TTLL6: variants seen among roughly 807,000 people sequenced by gnomAD.
TTLL6 encodes tubulin tyrosine ligase like 6, also known as tubulin polyglutamylase TTLL6.
Under a neutral mutation model 96.4 loss-of-function variants are expected in TTLL6, and 75 were observed. That is an observed-to-expected ratio of 0.78 (90% CI 0.65 to 0.94). The LOEUF is 0.94. Among genes scored for constraint, TTLL6 ranks in the 40% least tolerant of loss-of-function variants. The pLI, the probability that TTLL6 is intolerant of heterozygous loss-of-function variation, is 0.00. For missense variants in TTLL6, 1,030 were observed against 1,093.0 expected (o/e 0.94, Z 0.81); for synonymous variants, 411 against 419.4 (o/e 0.98, Z 0.24).
At chr17:48,777,361 G>A (rs1336400057) in intron 13 of TTLL6, among the ~76,000 whole-genome samples, 1 of 152,146 alleles carries the variant, frequency 6.6e-6, no homozygotes, top group Non-Finnish European at 1.5e-5. Flanking sequence ...TTGGGAGGCC[G>A]AGGCAGGAGG....
intron 10 of TTLL6, among the ~76,000 whole-genome samples, chr17:48,788,399 G>T (rs2039150449): frequency 6.6e-6 from 1 of 152,208 alleles, no homozygotes; most frequent in African/African-American, 2.4e-5. Context: ...TGACCTTGAT[G>T]ACCGTTTACG....
intron 11 of TTLL6, among the ~76,000 whole-genome samples, chr17:48,786,683 G>A (rs931419455): frequency 2.6e-5 from 4 of 152,162 alleles, no homozygotes; most frequent in Admixed American, 1.3e-4. Flanking sequence ...GGAGGCTAAC[G>A]CCAGAGGCTC....
chr17:48,801,518 C>G lies in TTLL6; in HGVS notation c.480+7G>C. On this transcript the variant is annotated splice_region_variant and intron_variant, in intron 4 of 15. Coordinates refer to ENST00000393382, the MANE Select transcript of TTLL6 (RefSeq NM_001130918.3). The stretch of plus-strand genomic sequence containing the variant: ...CTTAAACCAAGGACCATCACTAGCC[C>G]AAATACCTGGTAACTTTTCATTTCC... 1 of 1,551,848 alleles carries G rather than the reference C, an allele frequency of 6.4e-7. No homozygotes were observed. The highest frequency in any genetic ancestry group is 8.7e-7 in the Non-Finnish European group (1 of 1,146,960).
intron 10 of TTLL6, among the ~76,000 whole-genome samples, chr17:48,789,117 A>C (rs1597981560): frequency 4.5e-5 from 1 of 21,986 alleles, no homozygotes; most frequent in Non-Finnish European, 1.6e-4. Context: ...TCTTTATAGT[A>C]AAAAAAAAAA....
chr17:48,800,843 T>G (rs1026922871), intron 5 of TTLL6, among the ~76,000 whole-genome samples: 4 of 152,128 alleles, frequency 2.6e-5, no homozygotes, highest in African/African-American at 7.2e-5. Context: ...CTGCTATCCA[T>G]AGCATTGCAT....
intron 8 of TTLL6, among the ~76,000 whole-genome samples, chr17:48,794,753 G>C (rs2039288369): frequency 6.6e-6 from 1 of 152,216 alleles, no homozygotes; most frequent in African/African-American, 2.4e-5. Flanking sequence ...CACTGAGGGG[G>C]TCATGAACTG....
At chr17:48,814,967 G>A (rs944047365) in intron 1 of TTLL6, among the ~76,000 whole-genome samples, 26 of 151,980 alleles carry the variant, frequency 1.7e-4, no homozygotes, top group African/African-American at 5.6e-4. Flanking sequence ...TAGTAGAGAT[G>A]GGGTTTCTCC....
Position 48,769,077 on chromosome 17 carries a change from G to C in TTLL6, c.2588C>G (p.Ala863Gly). 6.2e-7 allele frequency: 1 copy of C among 1,614,170 alleles called. No individual in the cohort carries two copies. The highest frequency in any genetic ancestry group is 8.5e-7 in the Non-Finnish European group (1 of 1,180,026). The change falls in exon 15 of 16, where the codon GCA becomes GGA. Residue 863 changes from alanine (A) to glycine (G), a missense_variant. Coordinates refer to ENST00000393382, the MANE Select transcript of TTLL6 (RefSeq NM_001130918.3). ...CATACATGGGTCCCTCATAGCACTT[G>C]CGTGGCTTCTACAAGGCCTTGGATC... ...QLDPRPCRSHASAMRDPCMQD... is the reference protein window; with the variant it reads ...QLDPRPCRSHGSAMRDPCMQD...
chr17:48,796,128 G>T lies in TTLL6; in HGVS notation c.931C>A (p.Leu311Met). The change falls in exon 8 of 16, where the codon CTG becomes ATG. Residue 311 changes from leucine (L) to methionine (M), a missense_variant. Leu to Met is a conservative substitution (Grantham distance 15). Transcript: ENST00000393382. ...TGCTTATTAATGGAATAATTAGTCA[G>T]GTGCATGCAGATATCATCCTGGGGA... ...TDNLDDICMH[L>M]TNYSINKHSS... 6.4e-7 allele frequency: 1 copy of T among 1,551,410 alleles called. No homozygotes were observed. Among genetic ancestry groups the T allele is most frequent in the Non-Finnish European group, 8.7e-7 (1 of 1,146,808 alleles).
chr17:48,777,210 C>T (rs1021638271), intron 13 of TTLL6, among the ~76,000 whole-genome samples: 5 of 152,116 alleles, frequency 3.3e-5, no homozygotes, highest in Non-Finnish European at 7.4e-5. Flanking sequence ...AAAAACAAAC[C>T]TTGGATCTTG....
In TTLL6 at chr17:48,786,241, C is replaced by T. The variant is rs1360232377; in HGVS notation, c.1684G>A (p.Val562Met). ...EMQGESAGEQVRKKGMRGWQQ... is the reference protein window; with the variant it reads ...EMQGESAGEQMRKKGMRGWQQ... ...CAGCCCCTCATGCCCTTCTTTCTCACTTGCTCGCCTGCCGATTCCCCCTGC... is the reference window on the plus strand; with the variant it reads ...CAGCCCCTCATGCCCTTCTTTCTCATTTGCTCGCCTGCCGATTCCCCCTGC... Residue 562 changes from valine to methionine, a missense_variant, in exon 12 of 16, where the codon GTG becomes ATG. Transcript: ENST00000393382. The T allele has an allele frequency of 6.2e-7, 1 of 1,614,250 alleles. No homozygotes were observed. Among genetic ancestry groups the T allele is most frequent in the Admixed American group, 1.7e-5 (1 of 60,026 alleles).
At chr17:48,797,871 A>T (rs2039347237) in intron 6 of TTLL6, among the ~76,000 whole-genome samples, 1 of 150,962 alleles carries the variant, frequency 6.6e-6, no homozygotes, top group Non-Finnish European at 1.5e-5. Flanking sequence ...TGGGAGGCCG[A>T]AGAGGGAGGA....
chr17:48,810,290 C>T (rs1197424505), intron 1 of TTLL6, among the ~76,000 whole-genome samples: 1 of 152,126 alleles, frequency 6.6e-6, no homozygotes. Flanking sequence ...GCCTGCATTT[C>T]CTCGTATTCT....
chr17:48,772,234 C>T (rs961618697), intron 13 of TTLL6, among the ~76,000 whole-genome samples: 1 of 152,144 alleles, frequency 6.6e-6, no homozygotes, highest in Non-Finnish European at 1.5e-5. Flanking sequence ...CCTATAATCC[C>T]AGCACGTTGG....
chr17:48,782,155 T>TGG (rs1390977959), intron 13 of TTLL6, among the ~76,000 whole-genome samples: 1 of 149,478 alleles, frequency 6.7e-6, no homozygotes, highest in Non-Finnish European at 1.5e-5. Flanking sequence ...GCCCAGGCTG[T>TGG]GGGGCAGTGG....
intron 13 of TTLL6, among the ~76,000 whole-genome samples, chr17:48,775,399 G>A (rs1397916807): frequency 6.6e-6 from 1 of 151,628 alleles, no homozygotes; most frequent in Non-Finnish European, 1.5e-5. Context: ...GGGAATGCAA[G>A]GTAGGTTCAA....
At chr17:48,769,376 C>T (rs1249131092) in intron 14 of TTLL6, 122 bp from the exon 15 acceptor site, 3 of 1,190,894 alleles carry the variant, frequency 2.5e-6, no homozygotes, top group South Asian at 3.1e-5. Context: ...GCTCTTTGAG[C>T]CAGAATCAGC....
chr17:48,764,475 G>A (rs1222534588), intron 15 of TTLL6, among the ~76,000 whole-genome samples: 1 of 152,118 alleles, frequency 6.6e-6, no homozygotes, highest in African/African-American at 2.4e-5. Flanking sequence ...AATAACGTCT[G>A]CCTTGCCAAC....
At chr17:48,815,386 G>T (rs1469755828) in intron 1 of TTLL6, 2 of 152,142 alleles carry the variant, frequency 1.3e-5, no homozygotes, top group African/African-American at 4.8e-5. Context: ...CCCTCTGAAG[G>T]CCTCCAGTGG....
Sources: allele counts gnomAD v4.1 joint callset (sites outside exome capture counted in the v4.1 genomes callset), GRCh38; gene constraint gnomAD v4.1.1; transcripts MANE v1.5; gene names NCBI Gene and HGNC (gene_info 2026-07-23, HGNC 2026-07-21).